Variants in GBF1 observed in about 807,000 individuals in gnomAD.
GBF1 encodes golgi brefeldin A resistant guanine nucleotide exchange factor 1, also known as Golgi-specific brefeldin A-resistance guanine nucleotide exchange factor 1.
Under a neutral mutation model 210.5 loss-of-function variants are expected in GBF1, and 114 were observed. That is an observed-to-expected ratio of 0.54 (90% CI 0.47 to 0.63). GBF1 has a LOEUF of 0.63. GBF1 is among the 30% of genes least tolerant of loss of function. The probability of loss-of-function intolerance (pLI) is 0.00; values close to 1 mark genes in which losing one functional copy is unlikely to be tolerated. For missense variants in GBF1, 1,851 were observed against 2,357.7 expected (o/e 0.79, Z 4.45); for synonymous variants, 850 against 889.2 (o/e 0.96, Z 0.78).
intron 1 of GBF1, among the ~76,000 whole-genome samples, chr10:102,254,996 A>T (rs2072135255): frequency 6.6e-6 from 1 of 152,132 alleles, no homozygotes; most frequent in Admixed American, 6.6e-5. Context: ...GAAGGAGATT[A>T]GGCAGCTCTG....
In GBF1 at chr10:102,246,812, T is replaced by C. The variant is rs145933277; in HGVS notation, c.-11+1031T>C. 5.8e-3 allele frequency among the ~76,000 whole-genome samples: 881 copies of C among 151,666 alleles called. 3 individuals carry two copies. The highest frequency in any genetic ancestry group is 9.4e-3 in the Non-Finnish European group (637 of 67,858). ...GAATAGTGTAGATGGTGTTTTTTAA[T>C]GCACAATGTGGAAACTTGTGCATTA... On this transcript the variant is annotated intron_variant, in intron 1 of 39. Coordinates refer to ENST00000369983, the MANE Select transcript of GBF1 (RefSeq NM_001377137.1).
the GBF1 span, among the ~76,000 whole-genome samples, chr10:102,233,366 T>C: frequency 1.7e-4 from 25 of 147,396 alleles, no homozygotes; most frequent in African/African-American, 6.3e-4. Context: ...TGCAGTGGTA[T>C]GATCTCGGCT....
At chr10:102,239,231 G>A in the GBF1 span, among the ~76,000 whole-genome samples, 11 of 152,166 alleles carry the variant, frequency 7.2e-5, no homozygotes, top group South Asian at 2.1e-4. Flanking sequence ...CCAGGCATGC[G>A]TTCAGTTACA....
At chr10:102,309,919 T>C (rs949138311) in intron 3 of GBF1, among the ~76,000 whole-genome samples, 3 of 152,216 alleles carry the variant, frequency 2.0e-5, no homozygotes, top group African/African-American at 7.2e-5. Flanking sequence ...GGTTTCTAAG[T>C]TGTAGAAAAA....
intron 1 of GBF1, among the ~76,000 whole-genome samples, chr10:102,258,609 T>TA (rs924174679): frequency 4.6e-4 from 69 of 149,548 alleles, no homozygotes; most frequent in African/African-American, 9.3e-4. Flanking sequence ...CCGTCTCTTC[T>TA]AAAAAAAATA....
chr10:102,301,430 T>A (rs2077338412), intron 3 of GBF1, among the ~76,000 whole-genome samples: 1 of 152,234 alleles, frequency 6.6e-6, no homozygotes, highest in African/African-American at 2.4e-5. Flanking sequence ...TTCCCCACAT[T>A]TCCCCCTTTT....
the GBF1 span, among the ~76,000 whole-genome samples, chr10:102,234,730 GA>G: frequency 2.0e-5 from 3 of 152,078 alleles, no homozygotes; most frequent in Non-Finnish European, 2.9e-5. Context: ...ATGGAGCTGG[GA>G]AAAAACCCAG....
intron 3 of GBF1, among the ~76,000 whole-genome samples, chr10:102,312,071 C>T (rs1423032437): frequency 6.6e-6 from 1 of 152,132 alleles, no homozygotes; most frequent in Admixed American, 6.6e-5. Context: ...GCAGGAGGAT[C>T]ACCTGAGGTC....
chr10:102,380,532 G>A lies in GBF1; in HGVS notation c.5019G>A (p.Lys1673=). 6.2e-7 allele frequency: 1 copy of A among 1,613,670 alleles called. No homozygotes were observed. The highest frequency in any genetic ancestry group is 8.5e-7 in the Non-Finnish European group (1 of 1,179,768). The change falls in exon 38 of 40, where the codon AAG becomes AAA. Residue 1673 remains lysine, a synonymous_variant. Coordinates refer to ENST00000369983, the MANE Select transcript of GBF1 (RefSeq NM_001377137.1). ...LLSEAIPESL[K]NMLLVMDTAE... ...CAGAGGCGATCCCTGAGTCTCTGAA[G>A]AACATGCTTCTGGTGATGGACACAG...
In GBF1 at chr10:102,370,494, T is replaced by C; in HGVS notation, c.3506+16T>C. On this transcript the variant is annotated intron_variant, in intron 28 of 39. Transcript: ENST00000369983. Reference sequence around the variant, plus strand: ...TGGAGAACAGGTAAGATGAGCGTAGTCTTTAGGCAGACCCCATGCTGGGCT... The same window carrying C: ...TGGAGAACAGGTAAGATGAGCGTAGCCTTTAGGCAGACCCCATGCTGGGCT... The C allele has an allele frequency of 6.3e-7, 1 of 1,584,398 alleles. No homozygotes were observed. Among genetic ancestry groups the C allele is most frequent in the African/African-American group, 1.3e-5 (1 of 74,422 alleles).
At chr10:102,239,146 C>A in the GBF1 span, among the ~76,000 whole-genome samples, 10 of 152,216 alleles carry the variant, frequency 6.6e-5, no homozygotes, top group African/African-American at 2.4e-4. Flanking sequence ...TCACCAGCAA[C>A]CCCTGGCTCC....
chr10:102,258,691 T>C (rs1242136464), intron 1 of GBF1, among the ~76,000 whole-genome samples: 1 of 150,296 alleles, frequency 6.7e-6, no homozygotes, highest in Non-Finnish European at 1.5e-5. Flanking sequence ...GGAGAATTGC[T>C]TGAACTCGGG....
the GBF1 span, chr10:102,231,984 A>T: frequency 2.5e-6 from 4 of 1,610,708 alleles, no homozygotes; most frequent in South Asian, 4.4e-5. Context: ...TGGCCCTTGC[A>T]GCCGTGCTCT....
At chr10:102,361,568 T>C in intron 13 of GBF1, 150 bp from the exon 14 acceptor site, 1 of 570,234 alleles carries the variant, frequency 1.8e-6, no homozygotes. Flanking sequence ...AAGAGATATA[T>C]TTAGGGGATG....
intron 24 of GBF1, 67 bp from the exon 25 acceptor site, chr10:102,369,644 G>T: frequency 7.0e-7 from 1 of 1,430,944 alleles, no homozygotes; most frequent in Non-Finnish European, 9.8e-7. Flanking sequence ...AGAGAACTTT[G>T]GTGGGTGGAG....
chr10:102,345,338 A>G (rs1462970167), intron 4 of GBF1, among the ~76,000 whole-genome samples: 6 of 151,578 alleles, frequency 4.0e-5, no homozygotes, highest in Non-Finnish European at 7.4e-5. Flanking sequence ...TATGTGCTAC[A>G]TATTTTCTTT....
At chr10:102,310,117 GA>G (rs1465699868) in intron 3 of GBF1, among the ~76,000 whole-genome samples, 1 of 152,202 alleles carries the variant, frequency 6.6e-6, no homozygotes, top group East Asian at 1.9e-4. Flanking sequence ...TAGAAGTGGT[GA>G]ATTGGAAAAG....
chr10:102,338,237 CTTTTTTT>C (rs398046214), intron 3 of GBF1, among the ~76,000 whole-genome samples: 1 of 114,166 alleles, frequency 8.8e-6, no homozygotes, highest in Admixed American at 9.1e-5. Flanking sequence ...CAACCTTCTT[CTTTTTTT>C]TTTTTTTTTT....
At chr10:102,368,624 T>G (rs2060037399) in intron 22 of GBF1, 115 bp from the exon 23 acceptor site, 13 of 859,536 alleles carry the variant, frequency 1.5e-5, no homozygotes, top group Non-Finnish European at 2.4e-5. Flanking sequence ...GAAACAAAAT[T>G]AAAAGGTTTC....
Sources: gnomAD v4.1 joint callset for allele counts (sites outside exome capture counted in the v4.1 genomes callset) on GRCh38, gnomAD v4.1.1 for gene constraint, MANE v1.5 for transcripts, NCBI Gene and HGNC (gene_info 2026-07-23, HGNC 2026-07-21) for gene names.